The following NINL variants were observed in gnomAD, a reference collection of about 807,000 sequenced individuals.
NINL encodes ninein-like protein.
In NINL, 153 loss-of-function variants were observed where a neutral mutation model predicts 160.3. The observed-to-expected ratio is 0.95, with a 90% CI of 0.84 to 1.09. NINL has a LOEUF of 1.09. NINL is among the 50% of genes least tolerant of loss of function. The probability of loss-of-function intolerance (pLI) is 0.00; values close to 1 mark genes in which losing one functional copy is unlikely to be tolerated. For synonymous variants in NINL, 800 were observed against 734.8 expected (o/e 1.09, Z -1.43); for missense variants, 1,829 against 1,764.0 (o/e 1.04, Z -0.66).
intron 10 of NINL, among the ~76,000 whole-genome samples, chr20:25,494,642 C>T (rs1297689997): frequency 6.6e-6 from 1 of 152,242 alleles, no homozygotes; most frequent in Admixed American, 6.5e-5. Context: ...CGCCCTGTCC[C>T]AGCCACCCCC....
At chr20:25,479,337 G>C in intron 15 of NINL, 131 bp from the exon 16 acceptor site, 2 of 1,206,492 alleles carry the variant, frequency 1.7e-6, no homozygotes, top group Non-Finnish European at 2.3e-6. Context: ...CGAGGTGCCA[G>C]GGTGTGCAGA....
At chr20:25,519,819 C>T (rs753537352) in intron 2 of NINL, among the ~76,000 whole-genome samples, 25 of 151,680 alleles carry the variant, frequency 1.6e-4, no homozygotes, top group Non-Finnish European at 2.4e-4. Context: ...GAGTTGGAAA[C>T]CAGCCTGGGC....
chr20:25,454,710 C>T (rs2090622901), intron 23 of NINL, among the ~76,000 whole-genome samples: 1 of 152,138 alleles, frequency 6.6e-6, no homozygotes, highest in Admixed American at 6.5e-5. Flanking sequence ...GTGTGCACCC[C>T]ACACCCGTGG....
chr20:25,467,260 A>G (rs404394), intron 19 of NINL, 129 bp downstream of exon 19: 377,915 of 822,214 alleles, frequency 0.46, 92,124 homozygotes, highest in East Asian at 0.92. Flanking sequence ...CCTGGGGGCC[A>G]GTCAGCAACT....
rs1475238431 is a variant in NINL, at chr20:25,504,090, C to G, written c.723G>C (p.Leu241=). 1 of 1,582,378 alleles carries G rather than the reference C, an allele frequency of 6.3e-7. No homozygotes were observed. Among genetic ancestry groups the G allele is most frequent in the Non-Finnish European group, 8.6e-7 (1 of 1,165,362 alleles). ...QGLEKEELED[L]FNKLDQDGDG... ...CTCCGTCTTGATCCAGTTTGTTAAA[C>G]AGGTCTTCGAGTTCCTAAACAAAAG... Residue 241 remains leucine (L), a synonymous_variant, in exon 7 of 24, where the codon CTG becomes CTC. Coordinates refer to ENST00000278886, the MANE Select transcript of NINL (RefSeq NM_025176.6).
At chr20:25,461,799 C>T (rs540355288) in intron 20 of NINL, among the ~76,000 whole-genome samples, 164 bp from the exon 21 acceptor site, 38 of 152,214 alleles carry the variant, frequency 2.5e-4, no homozygotes, top group African/African-American at 8.4e-4. Flanking sequence ...AGTCACTCCC[C>T]GGCCCCTCCT....
intron 1 of NINL, among the ~76,000 whole-genome samples, chr20:25,544,947 A>C (rs2064714193): frequency 6.6e-6 from 1 of 152,236 alleles, no homozygotes; most frequent in African/African-American, 2.4e-5. Flanking sequence ...AACTGAGCTG[A>C]GGAGGAACAG....
chr20:25,560,593 C>A (rs919682465), intron 1 of NINL, among the ~76,000 whole-genome samples: 2 of 152,170 alleles, frequency 1.3e-5, no homozygotes, highest in Non-Finnish European at 2.9e-5. Flanking sequence ...GTCACTTCCC[C>A]AGGATCTTCA....
At chr20:25,514,821 A>G (rs1016583550) in intron 3 of NINL, among the ~76,000 whole-genome samples, 17 of 152,246 alleles carry the variant, frequency 1.1e-4, no homozygotes, top group Non-Finnish European at 2.4e-4. Context: ...GCAAGCCATA[A>G]GCCTTGGTGA....
intron 3 of NINL, among the ~76,000 whole-genome samples, chr20:25,513,924 A>C (rs759348655): frequency 2.6e-4 from 40 of 152,232 alleles, no homozygotes; most frequent in Non-Finnish European, 3.2e-4. Flanking sequence ...ACCCAGTCTC[A>C]GGTAGTTCCT....
chr20:25,491,063 G>A (rs1009699497), intron 11 of NINL, among the ~76,000 whole-genome samples: 4 of 152,218 alleles, frequency 2.6e-5, no homozygotes, highest in Admixed American at 1.3e-4. Context: ...AAGCAGTGCT[G>A]GCTGCGGGTG....
intron 1 of NINL, among the ~76,000 whole-genome samples, chr20:25,580,682 C>G (rs1197583702): frequency 2.0e-5 from 3 of 152,244 alleles, no homozygotes; most frequent in African/African-American, 7.2e-5. Flanking sequence ...CTAAAAGACT[C>G]CTCTGTCCCA....
chr20:25,508,198 CA>C (rs1861251441), intron 5 of NINL, among the ~76,000 whole-genome samples: 1 of 152,158 alleles, frequency 6.6e-6, no homozygotes, highest in Non-Finnish European at 1.5e-5. Flanking sequence ...AAAAGTTGAA[CA>C]AAAAATGGCC....
intron 1 of NINL, among the ~76,000 whole-genome samples, chr20:25,581,855 A>G (rs1000828916): frequency 2.9e-5 from 4 of 138,900 alleles, no homozygotes; most frequent in Admixed American, 2.3e-4. Context: ...GCAAATGACC[A>G]TATCAATTCA....
chr20:25,458,278 C>G, intron 22 of NINL, 105 bp downstream of exon 22: 4 of 1,406,506 alleles, frequency 2.8e-6, no homozygotes, highest in Non-Finnish European at 4.0e-6. Flanking sequence ...ACATACGTGA[C>G]TCATGTATTC....
At chr20:25,565,688 T>C (rs2064991359) in intron 1 of NINL, among the ~76,000 whole-genome samples, 1 of 152,188 alleles carries the variant, frequency 6.6e-6, no homozygotes, top group Admixed American at 6.6e-5. Flanking sequence ...TAGGGCATTA[T>C]GTTTGGGTGA....
chr20:25,582,322 T>G lies in NINL; in HGVS notation c.-12+3133A>C, dbSNP rs559888254. Reference sequence around the variant, plus strand: ...AAGTCCTAACTATTCCTCTATAAAGTGCTTTCTTTCCAATTTGATGGAGTT... The same window carrying G: ...AAGTCCTAACTATTCCTCTATAAAGGGCTTTCTTTCCAATTTGATGGAGTT... On this transcript the variant is annotated intron_variant, in intron 1 of 23. Coordinates refer to ENST00000278886, the MANE Select transcript of NINL (RefSeq NM_025176.6). 1.3e-4 allele frequency among the ~76,000 whole-genome samples: 19 copies of G among 151,960 alleles called. No individual in the cohort carries two copies. The South Asian group carries it at 3.9e-3, about 32-fold the overall frequency.
rs1568888777 is a variant in NINL, at chr20:25,482,891, GCA to G, written c.1678-793_1678-792del. The stretch of plus-strand genomic sequence containing the variant: ...ATACAAAAATTAGCCGGGCATGGTG[GCA>G]TGCGCCTGTAATCTCAGCTACTTGG... On this transcript the variant is annotated intron_variant, in intron 13 of 23. Transcript: ENST00000278886. Among the ~76,000 whole-genome samples, 1,189 of 150,182 alleles carry G rather than the reference GCA, an allele frequency of 7.9e-3. 27 individuals carry two copies. Among genetic ancestry groups the G allele is most frequent in the African/African-American group, 0.028 (1,111 of 39,634 alleles).
intron 1 of NINL, among the ~76,000 whole-genome samples, chr20:25,533,387 G>A (rs754098207): frequency 9.9e-5 from 15 of 152,234 alleles, no homozygotes; most frequent in Admixed American, 6.5e-5. Context: ...CAAAAAGAAC[G>A]ATCCGAGACC....
Sources: gnomAD v4.1 joint callset for allele counts (sites outside exome capture counted in the v4.1 genomes callset) on GRCh38, gnomAD v4.1.1 for gene constraint, MANE v1.5 for transcripts, NCBI Gene and HGNC (gene_info 2026-07-23, HGNC 2026-07-21) for gene names.